Variants in RAD51B observed in about 807,000 individuals in gnomAD.
RAD51B encodes RAD51 paralog B.
A neutral mutation model predicts 42.2 loss-of-function variants in RAD51B; 38 were observed. The ratio of observed to expected loss-of-function variants is 0.90; its 90% confidence interval spans 0.70 to 1.18. The LOEUF (loss-of-function observed/expected upper bound fraction) is 1.18. RAD51B is among the 50% of genes most tolerant of loss of function. The pLI, the probability that RAD51B is intolerant of heterozygous loss-of-function variation, is 0.00. For synonymous variants in RAD51B, 154 were observed against 145.2 expected, an observed-to-expected ratio of 1.06 and a Z score of -0.43; for missense variants, 373 against 400.7, an observed-to-expected ratio of 0.93 and a Z score of 0.59.
intron 10 of RAD51B, among the ~76,000 whole-genome samples, chr14:68,518,949 A>C (rs534192580): frequency 3.3e-5 from 5 of 152,332 alleles, no homozygotes; most frequent in African/African-American, 1.2e-4. Context: ...GCCAGAGCCT[A>C]GGAACCAGCA....
At chr14:68,679,718 C>T (rs1238661857) in intron 11 of RAD51B, among the ~76,000 whole-genome samples, 1 of 152,256 alleles carries the variant, frequency 6.6e-6, no homozygotes, top group Non-Finnish European at 1.5e-5. Flanking sequence ...AGGGTAGTCT[C>T]TGGCTGCTGA....
chr14:68,140,183 C>T (rs975798908), intron 7 of RAD51B, among the ~76,000 whole-genome samples: 4 of 152,186 alleles, frequency 2.6e-5, no homozygotes, highest in African/African-American at 7.2e-5. Flanking sequence ...AGTCATGTCA[C>T]TCCTAAAGGA....
chr14:67,957,295 G>A (rs947740322), intron 7 of RAD51B, among the ~76,000 whole-genome samples: 1 of 152,198 alleles, frequency 6.6e-6, no homozygotes, highest in Non-Finnish European at 1.5e-5. Flanking sequence ...GCACATTTGA[G>A]GGACTGAAAG....
At chr14:68,015,677 C>T (rs2075767994) in intron 7 of RAD51B, among the ~76,000 whole-genome samples, 3 of 152,138 alleles carry the variant, frequency 2.0e-5, no homozygotes, top group African/African-American at 7.2e-5. Flanking sequence ...CTGGGTCCCT[C>T]CCATGACACG....
In RAD51B at chr14:68,565,016, C is replaced by A. The variant is rs1889353643; in HGVS notation, c.1037-29469C>A. Reference sequence around the variant, plus strand: ...CCAGCCTCCGGCCATAGGTGAAAGACAATTTCCGATTATTGTTTTCAAACA... The same window carrying A: ...CCAGCCTCCGGCCATAGGTGAAAGAAAATTTCCGATTATTGTTTTCAAACA... On this transcript the variant is annotated intron_variant, in intron 10 of 10. Coordinates refer to the RAD51B transcript ENST00000487270. This position sits in a 1 kb window ranked among gnomAD's most constrained non-coding sequence, Gnocchi z 4.1. Among the ~76,000 whole-genome samples, 1 of 152,244 alleles carries A rather than the reference C, an allele frequency of 6.6e-6. No homozygotes were observed. The highest frequency in any genetic ancestry group is 1.5e-5 in the Non-Finnish European group (1 of 68,042).
At chr14:68,457,187 A>G (rs942055356) in intron 9 of RAD51B, among the ~76,000 whole-genome samples, 3 of 152,022 alleles carry the variant, frequency 2.0e-5, no homozygotes, top group Non-Finnish European at 2.9e-5. Context: ...TGCTGGTATT[A>G]TAGATGTGAG....
At chr14:68,255,016 C>T (rs1025182369) in intron 7 of RAD51B, among the ~76,000 whole-genome samples, 6 of 152,120 alleles carry the variant, frequency 3.9e-5, no homozygotes, top group Non-Finnish European at 8.8e-5. Context: ...TCTCCATCTC[C>T]TTTGCCTTTC....
chr14:68,040,338 G>A (rs2076199221), intron 7 of RAD51B, among the ~76,000 whole-genome samples: 1 of 151,986 alleles, frequency 6.6e-6, no homozygotes, highest in Admixed American at 6.6e-5. Flanking sequence ...CACCATATTT[G>A]TTCTATCTCT....
chr14:67,948,822 C>G (rs1595152214), intron 7 of RAD51B, among the ~76,000 whole-genome samples: 1 of 146,700 alleles, frequency 6.8e-6, no homozygotes, highest in East Asian at 2.0e-4. Context: ...GTCCCATCTA[C>G]TTGGGAGGCT....
chr14:68,135,777 A>C (rs1389361216), intron 7 of RAD51B, among the ~76,000 whole-genome samples: 1 of 152,258 alleles, frequency 6.6e-6, no homozygotes, highest in Non-Finnish European at 1.5e-5. Flanking sequence ...GCACAGGAGA[A>C]TATGAGATGA....
At chr14:67,888,621 A>C (rs2043131102) in intron 7 of RAD51B, among the ~76,000 whole-genome samples, 1 of 152,166 alleles carries the variant, frequency 6.6e-6, no homozygotes, top group African/African-American at 2.4e-5. Flanking sequence ...TTTGAAAGAA[A>C]AGAAAAGGAT....
chr14:68,370,097 T>TGTGG (rs1156685863), intron 8 of RAD51B, among the ~76,000 whole-genome samples: 2 of 152,178 alleles, frequency 1.3e-5, no homozygotes, highest in Non-Finnish European at 2.9e-5. Flanking sequence ...ACACTAAGCT[T>TGTGG]GTGGGAGTTA....
intron 8 of RAD51B, among the ~76,000 whole-genome samples, chr14:68,375,596 T>G (rs1202230565): frequency 6.6e-6 from 1 of 151,912 alleles, no homozygotes; most frequent in Non-Finnish European, 1.5e-5. Context: ...ACTAACTGAT[T>G]ATTTGTGTAA....
At chr14:68,648,843 C>T (rs990682057) in intron 10 of RAD51B, among the ~76,000 whole-genome samples, 9 of 152,094 alleles carry the variant, frequency 5.9e-5, no homozygotes, top group Non-Finnish European at 1.3e-4. Flanking sequence ...CCTGCACTGA[C>T]ATTTTGTGAT....
intron 10 of RAD51B, among the ~76,000 whole-genome samples, chr14:68,491,004 A>T (rs1296431530): frequency 6.6e-6 from 1 of 152,240 alleles, no homozygotes; most frequent in African/African-American, 2.4e-5. Context: ...TTGTAGTCAC[A>T]AATTTTTCTC....
chr14:68,319,803 A>T (rs1361590740), intron 8 of RAD51B, among the ~76,000 whole-genome samples: 1 of 152,218 alleles, frequency 6.6e-6, no homozygotes, highest in Non-Finnish European at 1.5e-5. Context: ...GTGGAGTCTC[A>T]CTAGACATGG....
chr14:68,375,798 C>G (rs1033910736), intron 8 of RAD51B, among the ~76,000 whole-genome samples: 83 of 151,998 alleles, frequency 5.5e-4, no homozygotes, highest in African/African-American at 1.9e-3. Context: ...GCTTGGGGAG[C>G]CTTATTCTGG....
chr14:68,096,640 A>G (rs1364292171), intron 7 of RAD51B, among the ~76,000 whole-genome samples: 2 of 152,212 alleles, frequency 1.3e-5, no homozygotes, highest in African/African-American at 4.8e-5. Context: ...GGACTTACAG[A>G]TGAAATTCTT....
chr14:67,845,515 A>G (rs2041581785), intron 4 of RAD51B, among the ~76,000 whole-genome samples: 1 of 152,012 alleles, frequency 6.6e-6, no homozygotes, highest in Non-Finnish European at 1.5e-5. Flanking sequence ...AAAAAATGCT[A>G]AAATTAGCCG....
Sources: allele counts gnomAD v4.1 joint callset (sites outside exome capture counted in the v4.1 genomes callset), GRCh38; gene constraint gnomAD v4.1.1; non-coding constraint Gnocchi (gnomAD v3.1); transcripts MANE v1.5; gene names NCBI Gene and HGNC (gene_info 2026-07-23, HGNC 2026-07-21).